The following RPTOR variants were observed in gnomAD, a reference collection of about 807,000 sequenced individuals.
RPTOR encodes regulatory associated protein of MTOR complex 1.
A neutral mutation model predicts 169.9 loss-of-function variants in RPTOR; 21 were observed. The observed-to-expected ratio is 0.12, with a 90% CI of 0.09 to 0.18. RPTOR has a LOEUF of 0.18. RPTOR is among the 10% of genes least tolerant of loss of function. RPTOR has a pLI of 1.00. For synonymous variants in RPTOR, 732 were observed against 753.2 expected, an observed-to-expected ratio of 0.97 and a Z score of 0.46; for missense variants, 1,133 against 1,855.9, an observed-to-expected ratio of 0.61 and a Z score of 7.16.
chr17:80,621,891 C>T (rs568275953), intron 1 of RPTOR, among the ~76,000 whole-genome samples: 73 of 152,210 alleles, frequency 4.8e-4, no homozygotes, highest in Non-Finnish European at 8.5e-4. Flanking sequence ...TGTGGATAAA[C>T]GGGGAGAAAG....
rs1172223885 is a variant in RPTOR at position 80,892,675 on chromosome 17, C to T, written c.2102-54C>T. 6 of 1,587,924 alleles carry T rather than the reference C, an allele frequency of 3.8e-6. No individual in the cohort carries two copies. In the South Asian group the frequency reaches 4.5e-5, roughly 12 times the overall value. On this transcript the variant is annotated intron_variant, in intron 18 of 33. Coordinates refer to ENST00000306801, the MANE Select transcript of RPTOR (RefSeq NM_020761.3). ...CCCAGCTGCTGAGTGTCAGAAGACA[C>T]GCTGGCCTCCACCTGGAAGCCCATT...
At chr17:80,925,568 G>C (rs1396896509) in intron 24 of RPTOR, 88 bp downstream of exon 24, 15 of 1,061,812 alleles carry the variant, frequency 1.4e-5, no homozygotes, top group African/African-American at 4.7e-5. Context: ...AAGGCTTGTG[G>C]CTGTGGGAGC....
intron 30 of RPTOR, chr17:80,961,088 G>A (rs908754727): frequency 7.3e-6 from 3 of 412,030 alleles, no homozygotes; most frequent in Non-Finnish European, 1.3e-5. Flanking sequence ...GGAGCGCTGC[G>A]ATGGCCGCCT....
At chr17:80,880,783 A>G (rs986779461) in intron 14 of RPTOR, among the ~76,000 whole-genome samples, 5 of 152,146 alleles carry the variant, frequency 3.3e-5, no homozygotes, top group African/African-American at 1.2e-4. Flanking sequence ...TCTTTGCAAA[A>G]TAGTCAAATC....
chr17:80,615,019 T>C (rs1439177324), intron 1 of RPTOR, among the ~76,000 whole-genome samples: 3 of 152,212 alleles, frequency 2.0e-5, no homozygotes, highest in Non-Finnish European at 4.4e-5. Context: ...AGTTCTGACG[T>C]TATTTTACTA....
chr17:80,940,344 C>T (rs1440544185), intron 24 of RPTOR, 152 bp from the exon 25 acceptor site: 1 of 604,744 alleles, frequency 1.7e-6, no homozygotes. Context: ...AGGATGTGTT[C>T]TGCTTGTACG....
intron 4 of RPTOR, among the ~76,000 whole-genome samples, chr17:80,723,154 C>G (rs2066301589): frequency 6.6e-6 from 1 of 151,166 alleles, no homozygotes; most frequent in South Asian, 2.1e-4. Flanking sequence ...AGATACCAAC[C>G]TTGATCACTA....
At position 80,918,456 on chromosome 17, in the gene RPTOR, C is replaced by CGAGCACCCTCGCGGGGGTCATAGCCAT. The variant is rs1567986051; in HGVS notation, c.2521-4256_2521-4255insGGGGGTCATAGCCATGAGCACCCTCGC. Among the ~76,000 whole-genome samples, 414 of 138,888 alleles carry CGAGCACCCTCGCGGGGGTCATAGCCAT rather than the reference C, an allele frequency of 3.0e-3. 8 individuals are homozygous for CGAGCACCCTCGCGGGGGTCATAGCCAT. The highest frequency in any genetic ancestry group is 0.011 in the African/African-American group (394 of 34,670). The allele number at this position is 138,888 out of a possible 152,430, so 91.1% of individuals were successfully genotyped here. ...AGCACCCTCGCCGGAGTCATAGCCA[C>CGAGCACCCTCGCGGGGGTCATAGCCAT]GAGCACCCTCGCCGGAGTCATAGCC... On this transcript the variant is annotated intron_variant, in intron 21 of 33. Transcript: ENST00000306801.
In RPTOR at chr17:80,683,252, C is replaced by T. The variant is rs148489518; in HGVS notation, c.349-24589C>T. ...TCAGTCTGGCCATTTTTGAAGGATG[C>T]GGGCCAGTTCAGTTCTAATCCTCAG... On this transcript the variant is annotated intron_variant, in intron 3 of 33. Coordinates refer to ENST00000306801, the MANE Select transcript of RPTOR (RefSeq NM_020761.3). Among the ~76,000 whole-genome samples the T allele has an allele frequency of 1.8e-3, 271 of 152,260 alleles. 1 individual carries two copies. Among genetic ancestry groups the T allele is most frequent in the African/African-American group, 6.3e-3 (261 of 41,548 alleles).
intron 3 of RPTOR, among the ~76,000 whole-genome samples, chr17:80,652,136 C>T (rs1306721793): frequency 1.3e-5 from 2 of 151,630 alleles, no homozygotes; most frequent in Non-Finnish European, 2.9e-5. Flanking sequence ...CGCCACTGCA[C>T]TCCAGCCTGG....
chr17:80,949,977 G>T (rs886138859), intron 28 of RPTOR, among the ~76,000 whole-genome samples: 1 of 152,248 alleles, frequency 6.6e-6, no homozygotes, highest in African/African-American at 2.4e-5. Flanking sequence ...TCACGCGCTC[G>T]CTGGCATGCC....
intron 9 of RPTOR, among the ~76,000 whole-genome samples, chr17:80,831,837 C>G (rs1217011672): frequency 3.0e-5 from 2 of 66,432 alleles, no homozygotes; most frequent in Non-Finnish European, 5.4e-5. Context: ...CTGTGTGTCA[C>G]TGTGTATCCC....
intron 13 of RPTOR, among the ~76,000 whole-genome samples, chr17:80,875,095 G>A (rs993222000): frequency 3.3e-5 from 5 of 152,182 alleles, no homozygotes; most frequent in African/African-American, 1.2e-4. Flanking sequence ...TAGCCTGGGC[G>A]TAATTCTTGT....
chr17:80,690,888 G>A (rs748824402), intron 3 of RPTOR, among the ~76,000 whole-genome samples: 13 of 152,006 alleles, frequency 8.6e-5, no homozygotes, highest in South Asian at 2.1e-4. Flanking sequence ...TCAAATTCTC[G>A]GGCCCAAGTG....
intron 21 of RPTOR, among the ~76,000 whole-genome samples, chr17:80,918,104 G>T (rs137975968): frequency 1.3e-4 from 20 of 152,326 alleles, no homozygotes; most frequent in Admixed American, 3.3e-4. Context: ...CACACCTATG[G>T]CTTGAAAGCT....
intron 13 of RPTOR, among the ~76,000 whole-genome samples, chr17:80,866,986 C>T (rs182830103): frequency 1.0e-3 from 153 of 152,326 alleles, no homozygotes; most frequent in African/African-American, 3.2e-3. Context: ...ATTTGGATGA[C>T]ATCTAAGCAC....
Position 80,685,632 on chromosome 17 carries a change from T to TA in RPTOR, c.349-22209_349-22208insA, listed in dbSNP as rs1307478248. Among the ~76,000 whole-genome samples the TA allele has an allele frequency of 5.2e-4, 27 of 51,770 alleles. 2 individuals carry two copies. Among genetic ancestry groups the TA allele is most frequent in the Admixed American group, 2.0e-3 (9 of 4,548 alleles). 34.0% of individuals were successfully genotyped at this position (51,770 alleles called of 152,430 possible). A position where few individuals can be genotyped will look rare whatever the true frequency, so the allele number is the denominator to read the frequency against. ...ATATATATATATATATATATATTTT[T>TA]TTTTTTTTTTTTTTTTTTTTTTTTT... On this transcript the variant is annotated intron_variant, in intron 3 of 33. Transcript: ENST00000306801.
rs62069371 is a variant in RPTOR at position 80,753,748 on chromosome 17, C to A, written c.655-262C>A. 4.0e-5 allele frequency among the ~76,000 whole-genome samples: 6 copies of A among 151,562 alleles called. No individual in the cohort carries two copies. The East Asian group carries it at 1.2e-3, about 30-fold the overall frequency. On this transcript the variant is annotated intron_variant, in intron 5 of 33. Coordinates refer to ENST00000306801, the MANE Select transcript of RPTOR (RefSeq NM_020761.3). The stretch of plus-strand genomic sequence containing the variant: ...AGTAGGGTCCTGCAAAGAGGAAAAC[C>A]GGGAAGAAAACAGAGTTGACAGAGA...
At chr17:80,555,318 G>T (rs1314048929) in intron 1 of RPTOR, among the ~76,000 whole-genome samples, 4 of 152,188 alleles carry the variant, frequency 2.6e-5, no homozygotes, top group African/African-American at 9.7e-5. Context: ...GAGCCTGTGT[G>T]ATTGTGAGGG....
Sources: gnomAD v4.1 joint callset for allele counts (sites outside exome capture counted in the v4.1 genomes callset) on GRCh38, gnomAD v4.1.1 for gene constraint, MANE v1.5 for transcripts, NCBI Gene and HGNC (gene_info 2026-07-23, HGNC 2026-07-21) for gene names.